Variants in FHIP1A observed in about 807,000 individuals in gnomAD.
The protein encoded by FHIP1A is FHF complex subunit HOOK interacting protein 1A, also known as FHF complex subunit HOOK-interacting protein 1A.
FHIP1A carries 61 observed loss-of-function variants against 88.6 expected under a neutral mutation model. The ratio of observed to expected loss-of-function variants is 0.69; its 90% CI spans 0.56 to 0.85. The LOEUF (loss-of-function observed/expected upper bound fraction) is 0.85, where lower values mean the gene tolerates loss of function less well. FHIP1A is among the 40% of genes least tolerant of loss of function. The pLI, the probability that FHIP1A is intolerant of heterozygous loss-of-function variation, is 0.00. For missense variants in FHIP1A, 1,154 were observed against 1,273.5 expected, an observed-to-expected ratio of 0.91 and a Z score of 1.43; for synonymous variants, 478 against 496.0, an observed-to-expected ratio of 0.96 and a Z score of 0.48.
chr4:151,638,579 G>A lies in FHIP1A; in HGVS notation c.1147-98G>A, dbSNP rs1465525029. 20 of 618,748 alleles carry A rather than the reference G, an allele frequency of 3.2e-5. No individual in the cohort carries two copies. In the South Asian group the frequency reaches 4.0e-4, roughly 12 times the overall value. 38.3% of individuals were successfully genotyped at this position (618,748 alleles called of 1,614,324 possible). A position where few individuals can be genotyped will look rare whatever the true frequency, so the allele number is the denominator to read the frequency against. On this transcript the variant is annotated intron_variant, in intron 8 of 13. Transcript: ENST00000435205. ...ATCAAAACTGCTAAAAAAAAAAAAA[G>A]GCCATTATATTTTGTAATTCTGATT... is the stretch of plus-strand genomic sequence containing the variant.
At chr4:151,507,155 ACT>A (rs1429212277) in intron 3 of FHIP1A, among the ~76,000 whole-genome samples, 1 of 151,726 alleles carries the variant, frequency 6.6e-6, no homozygotes, top group Non-Finnish European at 1.5e-5. Flanking sequence ...ATATGGTCTC[ACT>A]CTGTCACCCA....
chr4:151,441,015 C>G (rs1225613218), intron 1 of FHIP1A, among the ~76,000 whole-genome samples: 1 of 152,124 alleles, frequency 6.6e-6, no homozygotes, highest in Non-Finnish European at 1.5e-5. Context: ...TCCAACTTTT[C>G]TAATTGACTA....
intron 1 of FHIP1A, among the ~76,000 whole-genome samples, chr4:151,439,765 C>G (rs964466763): frequency 6.6e-6 from 1 of 152,168 alleles, no homozygotes; most frequent in Admixed American, 6.5e-5. Flanking sequence ...AGGCATTAAC[C>G]AAACACTCCA....
At chr4:151,594,779 T>C (rs957925220) in intron 7 of FHIP1A, among the ~76,000 whole-genome samples, 7 of 152,154 alleles carry the variant, frequency 4.6e-5, no homozygotes, top group African/African-American at 1.7e-4. Flanking sequence ...TTCACCGTGT[T>C]AGCCAGTGTG....
chr4:151,585,673 G>A (rs1305222898), intron 5 of FHIP1A, among the ~76,000 whole-genome samples: 2 of 152,190 alleles, frequency 1.3e-5, no homozygotes, highest in Non-Finnish European at 2.9e-5. Context: ...CATTAAGTAT[G>A]TAATCTTCCT....
chr4:151,609,696 A>G (rs1375385758), intron 7 of FHIP1A, among the ~76,000 whole-genome samples: 1 of 152,194 alleles, frequency 6.6e-6, no homozygotes, highest in African/African-American at 2.4e-5. Context: ...GGCACGTGGC[A>G]TGTGTTCAGC....
intron 1 of FHIP1A, among the ~76,000 whole-genome samples, chr4:151,439,600 C>T (rs1728332477): frequency 6.6e-6 from 1 of 152,090 alleles, no homozygotes; most frequent in Non-Finnish European, 1.5e-5. Context: ...TACATTTTCT[C>T]CTCTGTAACA....
At chr4:151,626,448 G>A (rs1735954295) in intron 7 of FHIP1A, among the ~76,000 whole-genome samples, 2 of 152,186 alleles carry the variant, frequency 1.3e-5, no homozygotes. Context: ...CTCTATTCTG[G>A]AACTGACACA....
At position 151,662,724 on chromosome 4, in the gene FHIP1A, C is replaced by CTTGGG. The variant is rs1332011612; in HGVS notation, c.3095_3099dup (p.Asp1034TrpfsTer16). 1 of 1,524,822 alleles carries CTTGGG rather than the reference C, an allele frequency of 6.6e-7. No homozygotes were observed. Among genetic ancestry groups the CTTGGG allele is most frequent in the South Asian group, 1.2e-5 (1 of 81,094 alleles). The allele number at this position is 1,524,822 out of a possible 1,614,324, so 94.5% of individuals were successfully genotyped here. Reference sequence around the variant, plus strand: ...AACACTCCATTCTGTGCTACAAGATCTTGGGTGACTTTGAGGACTCCTGCT... The same window carrying CTTGGG: ...AACACTCCATTCTGTGCTACAAGATCTTGGGTTGGGTGACTTTGAGGACTCCTGCT... On this transcript the variant is annotated frameshift_variant, in exon 14 of 14. Transcript: ENST00000435205. LOFTEE classifies it high-confidence loss of function.
At chr4:151,448,823 A>C (rs920319925) in intron 1 of FHIP1A, among the ~76,000 whole-genome samples, 1 of 152,078 alleles carries the variant, frequency 6.6e-6, no homozygotes, top group Non-Finnish European at 1.5e-5. Flanking sequence ...AATACCCAGG[A>C]GTTTAGAATT....
intron 3 of FHIP1A, among the ~76,000 whole-genome samples, chr4:151,520,739 T>C (rs566072499): frequency 5.4e-4 from 83 of 152,308 alleles, no homozygotes; most frequent in Non-Finnish European, 5.3e-4. Flanking sequence ...CCAGCAGCCA[T>C]GAAGTCCTCG....
intron 3 of FHIP1A, among the ~76,000 whole-genome samples, chr4:151,491,503 G>A (rs554866798): frequency 8.6e-5 from 13 of 151,652 alleles, no homozygotes; most frequent in Non-Finnish European, 1.6e-4. Context: ...AAATCTTGAC[G>A]CAAAACCTCA....
At chr4:151,584,942 C>T (rs929822314) in intron 5 of FHIP1A, among the ~76,000 whole-genome samples, 2 of 152,086 alleles carry the variant, frequency 1.3e-5, no homozygotes, top group Admixed American at 6.6e-5. Context: ...TGCCAACCCT[C>T]GAAATCTGAG....
At chr4:151,501,400 C>A (rs540123616) in intron 3 of FHIP1A, among the ~76,000 whole-genome samples, 1 of 152,112 alleles carries the variant, frequency 6.6e-6, no homozygotes, top group Non-Finnish European at 1.5e-5. Flanking sequence ...AATAGAAACA[C>A]CGATGTACAA....
chr4:151,586,784 C>CA lies in FHIP1A; in HGVS notation c.878dup (p.Asn293LysfsTer34). On this transcript the variant is annotated frameshift_variant, in exon 6 of 14. Transcript: ENST00000435205. LOFTEE classifies it high-confidence loss of function. ...AGTTCATGAACTCCCTGGAGTTTTG[C>CA]AATGCAGTCATACAGGTACCAGAGC... 1.3e-6 allele frequency: 2 copies of CA among 1,550,044 alleles called. No homozygotes were observed. Among genetic ancestry groups the CA allele is most frequent in the Non-Finnish European group, 1.7e-6 (2 of 1,145,762 alleles).
chr4:151,591,055 A>C (rs1734404730), intron 7 of FHIP1A, among the ~76,000 whole-genome samples: 1 of 150,672 alleles, frequency 6.6e-6, no homozygotes, highest in Non-Finnish European at 1.5e-5. Flanking sequence ...TTCTTAATTA[A>C]TTTTCTCCCT....
At chr4:151,659,390 T>C (rs1462284413) in intron 13 of FHIP1A, among the ~76,000 whole-genome samples, 1 of 152,200 alleles carries the variant, frequency 6.6e-6, no homozygotes, top group African/African-American at 2.4e-5. Flanking sequence ...GAGTCAAATC[T>C]GGGAGGCCTG....
chr4:151,620,690 G>A (rs1735706071), intron 7 of FHIP1A, among the ~76,000 whole-genome samples: 1 of 151,730 alleles, frequency 6.6e-6, no homozygotes, highest in Non-Finnish European at 1.5e-5. Flanking sequence ...TTCCATTGTA[G>A]GAAAGGAAAT....
At chr4:151,441,344 GATGA>G (rs1466615658) in intron 1 of FHIP1A, among the ~76,000 whole-genome samples, 1 of 149,012 alleles carries the variant, frequency 6.7e-6, no homozygotes, top group East Asian at 2.0e-4. Context: ...TTTGTATTAA[GATGA>G]CCTTTAAAAA....
Sources: allele counts gnomAD v4.1 joint callset (sites outside exome capture counted in the v4.1 genomes callset), GRCh38; gene constraint gnomAD v4.1.1; transcripts MANE v1.5; gene names NCBI Gene and HGNC (gene_info 2026-07-23, HGNC 2026-07-21).